The following PHACTR4 variants were observed in gnomAD, a reference collection of about 807,000 sequenced individuals.
The protein encoded by PHACTR4 is protein phosphatase 1, regulatory subunit 124.
Under a neutral mutation model 72.7 loss-of-function variants are expected in PHACTR4, and 51 were observed. The ratio of observed to expected loss-of-function variants is 0.70; its 90% CI spans 0.56 to 0.89. The LOEUF is 0.89. PHACTR4 is among the 40% of genes least tolerant of loss of function. The pLI, the probability that PHACTR4 is intolerant of heterozygous loss-of-function variation, is 0.00. For synonymous variants in PHACTR4, 255 were observed against 302.5 expected (o/e 0.84, Z 1.63); for missense variants, 731 against 861.8 (o/e 0.85, Z 1.90).
intron 7 of PHACTR4, 36 bp downstream of exon 7, chr1:28,474,187 TTACTC>T (rs762689327): frequency 1.3e-6 from 2 of 1,540,142 alleles, no homozygotes; most frequent in Non-Finnish European, 1.8e-6. Flanking sequence ...TATTTCTCCT[TTACTC>T]TAGATAGCCC....
chr1:28,439,926 A>C (rs1656880291), intron 2 of PHACTR4, among the ~76,000 whole-genome samples: 1 of 152,238 alleles, frequency 6.6e-6, no homozygotes. Flanking sequence ...GACAAACAAT[A>C]AATTGTAAAG....
At chr1:28,453,148 GAATT>G (rs1658100443) in intron 2 of PHACTR4, among the ~76,000 whole-genome samples, 1 of 151,974 alleles carries the variant, frequency 6.6e-6, no homozygotes, top group South Asian at 2.1e-4. Context: ...AAATAAAAAT[GAATT>G]AAATTAACTA....
chr1:28,409,329 C>T (rs1654598845), intron 2 of PHACTR4, among the ~76,000 whole-genome samples: 1 of 152,004 alleles, frequency 6.6e-6, no homozygotes, highest in Non-Finnish European at 1.5e-5. Context: ...ATTAATTATG[C>T]ATATTTCCCA....
At chr1:28,387,864 A>T (rs1298235340) in intron 1 of PHACTR4, among the ~76,000 whole-genome samples, 1 of 151,926 alleles carries the variant, frequency 6.6e-6, no homozygotes, top group Non-Finnish European at 1.5e-5. Flanking sequence ...GGTAACTGGG[A>T]TTACAGGTGC....
chr1:28,378,199 A>T (rs1294759790), intron 1 of PHACTR4, among the ~76,000 whole-genome samples: 8 of 76,310 alleles, frequency 1.0e-4, no homozygotes, highest in Admixed American at 1.2e-4. Flanking sequence ...TCCATCTCAT[A>T]AAAAAAAAAA....
chr1:28,450,228 A>G (rs865959935), intron 2 of PHACTR4, among the ~76,000 whole-genome samples: 14 of 152,040 alleles, frequency 9.2e-5, no homozygotes, highest in East Asian at 1.9e-4. Context: ...TGGAACACAC[A>G]ATTGTAAAAC....
rs574420710 is a variant in PHACTR4, at chr1:28,396,028, G to A, written c.-38-11382G>A. Among the ~76,000 whole-genome samples the A allele has an allele frequency of 7.0e-4, 104 of 148,558 alleles. 1 individual carries two copies. In the South Asian group the frequency reaches 0.014, roughly 20 times the overall value. On this transcript the variant is annotated intron_variant, in intron 1 of 13. Coordinates refer to ENST00000373839, the MANE Select transcript of PHACTR4 (RefSeq NM_001048183.3). Reference sequence around the variant, plus strand: ...CTCAGTCCTTACTAAGAACATGATTGTAAGTCTCTATATAATGTTTCATTT... The same window carrying A: ...CTCAGTCCTTACTAAGAACATGATTATAAGTCTCTATATAATGTTTCATTT...
chr1:28,492,147 T>C (rs1287572089), intron 12 of PHACTR4, among the ~76,000 whole-genome samples: 1 of 152,152 alleles, frequency 6.6e-6, no homozygotes, highest in African/African-American at 2.4e-5. Context: ...TGAAAAACTA[T>C]AAAAGCTGGC....
intron 2 of PHACTR4, among the ~76,000 whole-genome samples, chr1:28,410,560 T>C (rs993809755): frequency 5.3e-5 from 8 of 152,148 alleles, no homozygotes; most frequent in Non-Finnish European, 4.4e-5. Context: ...ACTTAAATTT[T>C]CTAGGGAGTA....
In PHACTR4 at chr1:28,498,518, A is replaced by G. The variant is rs969221752; in HGVS notation, c.*1969A>G. 6.6e-6 allele frequency: 1 copy of G among 152,210 alleles called. No individual in the cohort carries two copies. The highest frequency in any genetic ancestry group is 2.4e-5 in the African/African-American group (1 of 41,472). 9.4% of individuals were successfully genotyped at this position (152,210 alleles called of 1,614,324 possible). A position where few individuals can be genotyped will look rare whatever the true frequency, so the allele number is the denominator to read the frequency against. On this transcript the variant is annotated 3_prime_UTR_variant, in exon 14 of 14. Coordinates refer to ENST00000373839, the MANE Select transcript of PHACTR4 (RefSeq NM_001048183.3). ...ATTTTGTTGCTTTCTTTGAACTTGT[A>G]TTGAAAACCATACAGTCTCACTGTT...
chr1:28,493,229 AAAGT>A lies in PHACTR4; in HGVS notation c.2093+142_2093+145del, dbSNP rs568148434. On this transcript the variant is annotated intron_variant, in intron 13 of 13. Transcript: ENST00000373839. The stretch of plus-strand genomic sequence containing the variant: ...TGCAAGACTGCATTCAAAGGGATGA[AAAGT>A]AAGAAGCAATAGTAAATGCCTAGGC... 3.6e-3 allele frequency: 2,734 copies of A among 749,440 alleles called. 11 individuals are homozygous for A. The highest frequency in any genetic ancestry group is 5.0e-3 in the Non-Finnish European group (2,240 of 450,548). The allele number at this position is 749,440 out of a possible 1,614,324, so 46.4% of individuals were successfully genotyped here. A position where few individuals can be genotyped will look rare whatever the true frequency, so the allele number is the denominator to read the frequency against.
At chr1:28,447,274 A>C (rs1657551151) in intron 2 of PHACTR4, among the ~76,000 whole-genome samples, 1 of 151,984 alleles carries the variant, frequency 6.6e-6, no homozygotes. Flanking sequence ...GGCCTCCCAA[A>C]GTGCTGGGAT....
chr1:28,492,528 G>A (rs1009822508), intron 12 of PHACTR4, among the ~76,000 whole-genome samples: 5 of 151,172 alleles, frequency 3.3e-5, no homozygotes, highest in African/African-American at 7.3e-5. Flanking sequence ...TTGGGAGGCC[G>A]AAGCAGGTAG....
intron 1 of PHACTR4, among the ~76,000 whole-genome samples, chr1:28,393,680 T>TAC (rs146829996): frequency 0.093 from 14,009 of 151,232 alleles, 848 homozygotes; most frequent in Middle Eastern, 0.17. Context: ...GTATTCCTTC[T>TAC]ACACACACAC....
intron 2 of PHACTR4, among the ~76,000 whole-genome samples, chr1:28,442,906 A>C (rs1657145408): frequency 6.6e-6 from 1 of 152,142 alleles, no homozygotes; most frequent in South Asian, 2.1e-4. Context: ...TAGCATATTC[A>C]TCATCTCCAA....
At chr1:28,476,444 C>T (rs531268600) in intron 8 of PHACTR4, among the ~76,000 whole-genome samples, 153 bp downstream of exon 8, 10 of 152,138 alleles carry the variant, frequency 6.6e-5, no homozygotes, top group Non-Finnish European at 1.2e-4. Flanking sequence ...TGAAGGACTC[C>T]TTGTCCCTAT....
At chr1:28,399,790 G>C (rs947906230) in intron 1 of PHACTR4, among the ~76,000 whole-genome samples, 1 of 152,042 alleles carries the variant, frequency 6.6e-6, no homozygotes, top group Admixed American at 6.6e-5. Flanking sequence ...AATAAAACAG[G>C]GTAAATGGAT....
rs1342538852 is a variant in PHACTR4 at position 28,499,983 on chromosome 1, TAC to T, written c.*3435_*3436del. ...CGAACCCTTCTTTCACTACCTTTCT[TAC>T]CCTTAATGTGCCAAGCTTGAAACAG... is the stretch of plus-strand genomic sequence containing the variant. On this transcript the variant is annotated 3_prime_UTR_variant, in exon 14 of 14. Transcript: ENST00000373839. 2 of 152,200 alleles carry T rather than the reference TAC, an allele frequency of 1.3e-5. No homozygotes were observed. The highest frequency in any genetic ancestry group is 2.4e-5 in the African/African-American group (1 of 41,458). The allele number at this position is 152,200 out of a possible 1,614,324, so 9.4% of individuals were successfully genotyped here.
chr1:28,446,109 C>T (rs541824934), intron 2 of PHACTR4, among the ~76,000 whole-genome samples: 1 of 152,144 alleles, frequency 6.6e-6, no homozygotes, highest in Non-Finnish European at 1.5e-5. Flanking sequence ...TCATACCTGT[C>T]TGCTGTTTAT....
Sources: gnomAD v4.1 joint callset for allele counts (sites outside exome capture counted in the v4.1 genomes callset) on GRCh38, gnomAD v4.1.1 for gene constraint, MANE v1.5 for transcripts, NCBI Gene and HGNC (gene_info 2026-07-23, HGNC 2026-07-21) for gene names.